The following DHX36 variants were observed in gnomAD, a reference collection of about 807,000 sequenced individuals.
DHX36 encodes the protein DEAH-box helicase 36.
Under a neutral mutation model 139.0 loss-of-function variants are expected in DHX36, and 50 were observed. That is an observed-to-expected ratio of 0.36 (90% CI 0.29 to 0.46). The LOEUF (loss-of-function observed/expected upper bound fraction) is 0.46, where lower values mean the gene tolerates loss of function less well. Among genes scored for constraint, DHX36 ranks in the 20% least tolerant of loss-of-function variants. The probability of loss-of-function intolerance (pLI) is 1.00; values close to 1 mark genes in which losing one functional copy is unlikely to be tolerated. For synonymous variants in DHX36, 425 were observed against 401.9 expected, an observed-to-expected ratio of 1.06 and a Z score of -0.69; for missense variants, 1,024 against 1,211.3, an observed-to-expected ratio of 0.85 and a Z score of 2.29.
chr3:154,295,759 T>G (rs958085237), intron 12 of DHX36, among the ~76,000 whole-genome samples: 1 of 152,212 alleles, frequency 6.6e-6, no homozygotes, highest in Admixed American at 6.5e-5. Flanking sequence ...TGAATACGTT[T>G]GTACACTTTG....
At chr3:154,293,696 G>T (rs1026184852) in intron 14 of DHX36, 52 bp downstream of exon 14, 4 of 1,304,828 alleles carry the variant, frequency 3.1e-6, no homozygotes, top group African/African-American at 1.5e-5. Flanking sequence ...ACACGTTATG[G>T]TGTTTAAAAC....
chr3:154,282,598 G>A (rs1238169488), intron 20 of DHX36, among the ~76,000 whole-genome samples: 1 of 151,024 alleles, frequency 6.6e-6, no homozygotes, highest in East Asian at 1.9e-4. Context: ...GCTAATGACT[G>A]GGCACTTCTG....
chr3:154,278,386 AGTTAAT>A (rs1439421171), intron 22 of DHX36: 2 of 152,108 alleles, frequency 1.3e-5, no homozygotes, highest in Non-Finnish European at 1.5e-5. Flanking sequence ...ATTTTTAAAT[AGTTAAT>A]GTTAATTACC....
At chr3:154,303,561 T>C in intron 8 of DHX36, 151 bp from the exon 9 acceptor site, 1 of 558,032 alleles carries the variant, frequency 1.8e-6, no homozygotes, top group East Asian at 3.3e-5. Context: ...TTTCCACACC[T>C]ACTTTAATAA....
At chr3:154,320,008 G>A (rs567935203) in intron 1 of DHX36, among the ~76,000 whole-genome samples, 1 of 152,158 alleles carries the variant, frequency 6.6e-6, no homozygotes, top group East Asian at 1.9e-4. Context: ...CCGCAATCTG[G>A]CTTTTACTTC....
At position 154,299,860 on chromosome 3, in the gene DHX36, C is replaced by T; in HGVS notation, c.1527G>A (p.Met509Ile). 6.2e-7 allele frequency: 1 copy of T among 1,612,518 alleles called. No homozygotes were observed. The highest frequency in any genetic ancestry group is 8.5e-7 in the Non-Finnish European group (1 of 1,178,620). ...DNISTLHDLL[M>I]SQVMFKSDKF... ...TACCTGATTTAAACATTACTTGTGACATCAAGAGATCATGTAAAGTGCTGA... is the reference window on the plus strand; with the variant it reads ...TACCTGATTTAAACATTACTTGTGATATCAAGAGATCATGTAAAGTGCTGA... Residue 509 changes from methionine (M) to isoleucine (I), a missense_variant, in exon 12 of 25, where the codon ATG becomes ATA. Physicochemically the swap from Met to Ile is conservative, Grantham distance 10. This residue lies in a region of DHX36 where 470 missense variants were observed against 616.2 expected (regional missense o/e 0.76). Transcript: ENST00000496811.
chr3:154,278,935 A>G (rs1438242722), intron 22 of DHX36: 1 of 152,218 alleles, frequency 6.6e-6, no homozygotes, highest in Non-Finnish European at 1.5e-5. Flanking sequence ...GCATAACTAG[A>G]GCAGTAGAAC....
At position 154,315,004 on chromosome 3, in the gene DHX36, A is replaced by G. The variant is rs773888690; in HGVS notation, c.603+42T>C. On this transcript the variant is annotated intron_variant, in intron 3 of 24. Transcript: ENST00000496811. The stretch of plus-strand genomic sequence containing the variant: ...CCATACATACATTTTTATAAAGTGT[A>G]AGAAAAAAATGACAAAATATTTTTT... The G allele has an allele frequency of 1.9e-5, 27 of 1,399,038 alleles. No homozygotes were observed. The Admixed American group carries it at 5.3e-4, about 27-fold the overall frequency. The allele number at this position is 1,399,038 out of a possible 1,614,324, so 86.7% of individuals were successfully genotyped here. A position where few individuals can be genotyped will look rare whatever the true frequency, so the allele number is the denominator to read the frequency against.
chr3:154,291,753 TC>T (rs972218182), intron 15 of DHX36, among the ~76,000 whole-genome samples: 53 of 152,180 alleles, frequency 3.5e-4, no homozygotes, highest in Admixed American at 7.2e-4. Flanking sequence ...TTAATGGAAA[TC>T]TCTCATTCTA....
In DHX36 at chr3:154,323,663, G is replaced by C. The variant is rs139184296; in HGVS notation, c.243+511C>G. On this transcript the variant is annotated intron_variant, in intron 1 of 24. Coordinates refer to ENST00000496811, the MANE Select transcript of DHX36 (RefSeq NM_020865.3). ...CCCCAACATAAAAAACAAAAACCTA[G>C]GTTTGCAGATAATTTTAACACTAAT... Among the ~76,000 whole-genome samples, 115 of 152,154 alleles carry C rather than the reference G, an allele frequency of 7.6e-4. 1 individual carries two copies. The highest frequency in any genetic ancestry group is 2.7e-3 in the African/African-American group (113 of 41,498).
rs1319877362 is a variant in DHX36, at chr3:154,315,194, T to G, written c.455A>C (p.Lys152Thr). ...IQEKKLINQEKKMFRIRNRSY... is the reference protein window; with the variant it reads ...IQEKKLINQETKMFRIRNRSY... ...TCTGTTCCTGATTCTAAACATTTTT[T>G]TTTCTTGATTTATCAACTTCTTTTC... The change falls in exon 3 of 25, where the codon AAA becomes ACA. Residue 152 changes from lysine (K) to threonine (T), a missense_variant. Lys to Thr is a moderately conservative substitution (Grantham distance 78). This residue lies in a region of DHX36 where 293 missense variants were observed against 274.4 expected (regional missense o/e 1.07). Coordinates refer to ENST00000496811, the MANE Select transcript of DHX36 (RefSeq NM_020865.3). 2 of 1,613,482 alleles carry G rather than the reference T, an allele frequency of 1.2e-6. No individual in the cohort carries two copies. Among genetic ancestry groups the G allele is most frequent in the African/African-American group, 1.3e-5 (1 of 74,888 alleles).
At chr3:154,301,718 T>C (rs1385529687) in intron 9 of DHX36, among the ~76,000 whole-genome samples, 1 of 152,118 alleles carries the variant, frequency 6.6e-6, no homozygotes, top group Non-Finnish European at 1.5e-5. Flanking sequence ...GTCAATTGAG[T>C]GCTGTACTAT....
intron 15 of DHX36, among the ~76,000 whole-genome samples, 182 bp downstream of exon 15, chr3:154,292,369 G>A (rs566650587): frequency 6.6e-6 from 1 of 152,176 alleles, no homozygotes; most frequent in South Asian, 2.1e-4. Flanking sequence ...AGAAAACTTG[G>A]CAGATACTTT....
At chr3:154,305,399 T>C (rs1712459216) in intron 6 of DHX36, 2 of 411,546 alleles carry the variant, frequency 4.9e-6, no homozygotes, top group Admixed American at 8.3e-5. Flanking sequence ...TTTTAAAAGA[T>C]ACGACCATTC....
intron 13 of DHX36, among the ~76,000 whole-genome samples, chr3:154,295,059 T>G (rs1157455509): frequency 6.6e-6 from 1 of 152,220 alleles, no homozygotes; most frequent in African/African-American, 2.4e-5. Context: ...TTTTTCCTAA[T>G]GTAGACAAAA....
chr3:154,305,315 C>T (rs968812021), intron 6 of DHX36, 147 bp from the exon 7 acceptor site: 46 of 629,434 alleles, frequency 7.3e-5, no homozygotes, highest in Non-Finnish European at 1.2e-4. Context: ...GAACACCTAC[C>T]ACAATGGGGT....
chr3:154,318,094 A>G (rs1713054244), intron 1 of DHX36, among the ~76,000 whole-genome samples: 1 of 152,134 alleles, frequency 6.6e-6, no homozygotes, highest in Non-Finnish European at 1.5e-5. Context: ...AGGGTTTTGT[A>G]AGACATTCTA....
In DHX36 at chr3:154,316,093, T is replaced by C. The variant is rs142405159; in HGVS notation, c.314A>G (p.Lys105Arg). Residue 105 changes from lysine to arginine, a missense_variant, in exon 2 of 25, where the codon AAG becomes AGG. Coordinates refer to ENST00000496811, the MANE Select transcript of DHX36 (RefSeq NM_020865.3). ...IVQLLNSVQA[K>R]NDKESEAQIS... ...CTGTGCTTCTGACTCTTTATCATTC[T>C]TCGCTTGAACAGAATTCAGTAACTG... is the stretch of plus-strand genomic sequence containing the variant. 5 of 1,613,420 alleles carry C rather than the reference T, an allele frequency of 3.1e-6. No individual in the cohort carries two copies. The highest frequency in any genetic ancestry group is 4.2e-6 in the Non-Finnish European group (5 of 1,179,610).
At chr3:154,296,999 G>GT (rs1229479744) in intron 12 of DHX36, among the ~76,000 whole-genome samples, 1 of 152,182 alleles carries the variant, frequency 6.6e-6, no homozygotes, top group Non-Finnish European at 1.5e-5. Context: ...GGAAATAAAG[G>GT]TAAGAGAGAA....
Sources: allele counts gnomAD v4.1 joint callset (sites outside exome capture counted in the v4.1 genomes callset), GRCh38; gene constraint gnomAD v4.1.1; regional missense constraint gnomAD v4.1.1; transcripts MANE v1.5; gene names NCBI Gene and HGNC (gene_info 2026-07-23, HGNC 2026-07-21).